The following PXK variants were observed in gnomAD, a reference collection of about 807,000 sequenced individuals.
The protein encoded by PXK is PX domain-containing protein kinase-like protein.
In PXK, 35 loss-of-function variants were observed where a neutral mutation model predicts 84.7. The observed-to-expected ratio is 0.41, with a 90% CI of 0.32 to 0.55. The LOEUF (loss-of-function observed/expected upper bound fraction) is 0.55, where lower values mean the gene tolerates loss of function less well. PXK is among the 20% of genes least tolerant of loss of function. The probability of loss-of-function intolerance (pLI) is 0.21; values close to 1 mark genes in which losing one functional copy is unlikely to be tolerated. For missense variants in PXK, 634 were observed against 699.7 expected (o/e 0.91, Z 1.06); for synonymous variants, 253 against 260.8 (o/e 0.97, Z 0.29).
intron 1 of PXK, among the ~76,000 whole-genome samples, chr3:58,357,915 A>G (rs975163269): frequency 6.6e-6 from 1 of 152,028 alleles, no homozygotes; most frequent in Non-Finnish European, 1.5e-5. Flanking sequence ...ATGCCACTGC[A>G]TGCCACTGCA....
At chr3:58,346,143 G>A (rs1278991736) in intron 1 of PXK, among the ~76,000 whole-genome samples, 1 of 152,164 alleles carries the variant, frequency 6.6e-6, no homozygotes, top group African/African-American at 2.4e-5. Context: ...AGATTCTGGG[G>A]TGGGGTAAAA....
At chr3:58,361,431 G>C (rs2098185159) in intron 1 of PXK, among the ~76,000 whole-genome samples, 1 of 151,698 alleles carries the variant, frequency 6.6e-6, no homozygotes, top group African/African-American at 2.4e-5. Flanking sequence ...TCACGATAGA[G>C]AACACTTCCA....
At position 58,412,138 on chromosome 3, in the gene PXK, A is replaced by G. The variant is rs890252320; in HGVS notation, c.1466-763A>G. ...TGGTTAACCTCTCCATAGGATCTCT[A>G]TGTGTGGGAGGGGGGTTTCTGTGTC... On this transcript the variant is annotated intron_variant, in intron 16 of 17. Transcript: ENST00000356151. This position sits in a 1 kb window ranked among gnomAD's most constrained non-coding sequence, Gnocchi z 6.2. Among the ~76,000 whole-genome samples the G allele has an allele frequency of 1.4e-4, 21 of 151,964 alleles. No homozygotes were observed. Among genetic ancestry groups the G allele is most frequent in the Non-Finnish European group, 2.8e-4 (19 of 67,984 alleles).
At position 58,400,975 on chromosome 3, in the gene PXK, CACAA is replaced by C. The variant is rs913430707; in HGVS notation, c.1181+1601_1181+1604del. Among the ~76,000 whole-genome samples, 4 of 152,220 alleles carry C rather than the reference CACAA, an allele frequency of 2.6e-5. No individual in the cohort carries two copies. Among genetic ancestry groups the C allele is most frequent in the Non-Finnish European group, 5.9e-5 (4 of 68,040 alleles). ...GACCCAGTTTGGAAAACAACTTTCA[CACAA>C]ACTTTTCTAGCAAAATGCACTTGTA... On this transcript the variant is annotated intron_variant, in intron 12 of 17. Transcript: ENST00000356151. This position sits in a 1 kb window ranked among gnomAD's most constrained non-coding sequence, Gnocchi z 4.0.
rs10662181 is a variant in PXK at position 58,382,492 on chromosome 3, C to CTTT, written c.202-7_202-5dup. ...TTATTTGTGGATGACATGAGTGTAA[C>CTTT]TTTTTTTTTTTTTTTTTAAAGATTG... On this transcript the variant is annotated intron_variant, in intron 3 of 17. Transcript: ENST00000356151. The CTTT allele has an allele frequency of 3.8e-3, 4,843 of 1,277,066 alleles. 3 individuals are homozygous for CTTT. The highest frequency in any genetic ancestry group is 9.7e-3 in the South Asian group (528 of 54,640). 79.1% of individuals were successfully genotyped at this position (1,277,066 alleles called of 1,614,324 possible). A position where few individuals can be genotyped will look rare whatever the true frequency, so the allele number is the denominator to read the frequency against.
intron 1 of PXK, among the ~76,000 whole-genome samples, chr3:58,351,723 T>C (rs567771263): frequency 4.1e-4 from 63 of 152,086 alleles, no homozygotes; most frequent in Non-Finnish European, 2.1e-4. Flanking sequence ...GCATAGAATC[T>C]AGGACAACAG....
intron 1 of PXK, among the ~76,000 whole-genome samples, chr3:58,357,965 A>AAAG (rs2098119694): frequency 9.0e-6 from 1 of 110,776 alleles, no homozygotes; most frequent in African/African-American, 5.6e-5. Context: ...ACTCTGTCTC[A>AAAG]AAACAAAAAA....
At chr3:58,389,943 G>A (rs1227671062) in intron 4 of PXK, among the ~76,000 whole-genome samples, 1 of 140,556 alleles carries the variant, frequency 7.1e-6, no homozygotes, top group African/African-American at 2.6e-5. Context: ...AGGTTGCGGT[G>A]AGCCGAGATC....
intron 1 of PXK, among the ~76,000 whole-genome samples, chr3:58,360,020 C>T (rs2098154574): frequency 6.6e-6 from 1 of 152,096 alleles, no homozygotes; most frequent in African/African-American, 2.4e-5. Flanking sequence ...TGGTGGAGCG[C>T]ACCTGTAGTC....
chr3:58,372,175 A>C (rs1339959696), intron 3 of PXK, among the ~76,000 whole-genome samples: 4 of 152,302 alleles, frequency 2.6e-5, no homozygotes, highest in African/African-American at 9.6e-5. Flanking sequence ...AAATATGCCA[A>C]AATGTTAATG....
rs544687100 is a variant in PXK, at chr3:58,385,330, C to T, written c.388+2630C>T. On this transcript the variant is annotated intron_variant, in intron 4 of 17. Transcript: ENST00000356151. The surrounding 1 kb of genome is among the most constrained non-coding windows in gnomAD (Gnocchi z 5.1). ...TTATTTCACCCTTTGAATGAAATTT[C>T]GGAGTTTGTCTAGCCTCAAGGCTGA... is the stretch of plus-strand genomic sequence containing the variant. 6.6e-5 allele frequency among the ~76,000 whole-genome samples: 10 copies of T among 152,196 alleles called. No homozygotes were observed. The highest frequency in any genetic ancestry group is 1.3e-4 in the Non-Finnish European group (9 of 68,038).
chr3:58,353,002 AT>A (rs5849248), intron 1 of PXK, among the ~76,000 whole-genome samples: 14 of 148,870 alleles, frequency 9.4e-5, no homozygotes, highest in Admixed American at 2.0e-4. Context: ...TATGAATTAG[AT>A]TTTTTTTTTT....
At chr3:58,395,294 G>A (rs2057469323) in intron 8 of PXK, among the ~76,000 whole-genome samples, 192 bp downstream of exon 8, 2 of 152,224 alleles carry the variant, frequency 1.3e-5, no homozygotes, top group African/African-American at 4.8e-5. Flanking sequence ...CTTTTCCCAT[G>A]TGAGGAAAGG....
intron 1 of PXK, among the ~76,000 whole-genome samples, chr3:58,342,805 T>C (rs2097761158): frequency 6.6e-6 from 1 of 152,202 alleles, no homozygotes; most frequent in African/African-American, 2.4e-5. Context: ...AGATGAACTA[T>C]GTCCTCTTAG....
chr3:58,416,405 CA>C lies in PXK; in HGVS notation c.1528+3443del, dbSNP rs1432295327. Among the ~76,000 whole-genome samples, 2 of 152,170 alleles carry C rather than the reference CA, an allele frequency of 1.3e-5. No individual in the cohort carries two copies. The highest frequency in any genetic ancestry group is 2.9e-5 in the Non-Finnish European group (2 of 68,030). On this transcript the variant is annotated intron_variant, in intron 17 of 17. Coordinates refer to ENST00000356151, the MANE Select transcript of PXK (RefSeq NM_017771.5). This position sits in a 1 kb window ranked among gnomAD's most constrained non-coding sequence, Gnocchi z 4.8. ...GGTCCCTAAAAGTTGGGGGCGGTCC[CA>C]GTTTCTATCTCATTGTGATTGGACA...
At chr3:58,403,772 A>G (rs2058972168) in intron 12 of PXK, 90 bp from the exon 13 acceptor site, 1 of 698,356 alleles carries the variant, frequency 1.4e-6, no homozygotes, top group African/African-American at 1.8e-5. Flanking sequence ...GGGAGACCTC[A>G]TGGGCTAAAG....
chr3:58,378,064 C>T (rs900779953), intron 3 of PXK, among the ~76,000 whole-genome samples: 11 of 152,230 alleles, frequency 7.2e-5, no homozygotes, highest in East Asian at 5.8e-4. Context: ...AGCAAAAAAC[C>T]GTAAGTTTAT....
chr3:58,425,074 G>GT lies in PXK; in HGVS notation c.*115dup, dbSNP rs2107908557. On this transcript the variant is annotated 3_prime_UTR_variant, in exon 18 of 18. Transcript: ENST00000356151. Reference sequence around the variant, plus strand: ...TGCTGAGCCAGTACAGCCACAAACAGTACTATTTTGCAGATGCTCATGTAA... The same window carrying GT: ...TGCTGAGCCAGTACAGCCACAAACAGTTACTATTTTGCAGATGCTCATGTAA... 2 of 1,430,294 alleles carry GT rather than the reference G, an allele frequency of 1.4e-6. No individual in the cohort carries two copies. The highest frequency in any genetic ancestry group is 1.9e-6 in the Non-Finnish European group (2 of 1,069,018). 88.6% of individuals were successfully genotyped at this position (1,430,294 alleles called of 1,614,324 possible). A position where few individuals can be genotyped will look rare whatever the true frequency, so the allele number is the denominator to read the frequency against.
intron 1 of PXK, among the ~76,000 whole-genome samples, chr3:58,355,438 G>GT (rs1379252554): frequency 1.3e-5 from 2 of 152,216 alleles, no homozygotes; most frequent in African/African-American, 4.8e-5. Flanking sequence ...GAAGGTTTGC[G>GT]TAAGTTTTGG....
Sources: gnomAD v4.1 joint callset for allele counts (sites outside exome capture counted in the v4.1 genomes callset) on GRCh38, gnomAD v4.1.1 for gene constraint, Gnocchi (gnomAD v3.1) non-coding constraint, MANE v1.5 for transcripts, NCBI Gene and HGNC (gene_info 2026-07-23, HGNC 2026-07-21) for gene names.